The following HK2 variants were observed in gnomAD, a reference collection of about 807,000 sequenced individuals.
HK2 encodes hexokinase-2.
HK2 carries 42 observed loss-of-function variants against 92.9 expected under a neutral mutation model. That is an observed-to-expected ratio of 0.45 (90% confidence interval 0.35 to 0.58). HK2 has a LOEUF of 0.58. Ranked by LOEUF, HK2 falls within the 20% of genes least tolerant of loss-of-function variation. The pLI is 0.00. For missense variants in HK2, 978 were observed against 1,245.1 expected (o/e 0.79, Z 3.23); for synonymous variants, 422 against 468.0 (o/e 0.90, Z 1.27).
chr2:74,852,056 G>A (rs1688583383), intron 1 of HK2, among the ~76,000 whole-genome samples: 1 of 152,214 alleles, frequency 6.6e-6, no homozygotes, highest in African/African-American at 2.4e-5. Context: ...TCCCCTCTCT[G>A]TAGAATAGAG....
intron 4 of HK2, among the ~76,000 whole-genome samples, chr2:74,872,644 A>G (rs746246486): frequency 2.6e-5 from 4 of 152,148 alleles, no homozygotes; most frequent in Non-Finnish European, 5.9e-5. Context: ...ATTGCACAGT[A>G]TCCTTATCCC....
chr2:74,875,327 G>GTTTTTTT (rs61418530), intron 7 of HK2, among the ~76,000 whole-genome samples: 4 of 112,088 alleles, frequency 3.6e-5, no homozygotes, highest in Admixed American at 9.8e-5. Context: ...CCTTGCTTTC[G>GTTTTTTT]TTTTTTTTTT....
chr2:74,890,790 T>C lies in HK2; in HGVS notation c.2610-7T>C, dbSNP rs755244890. ...TTTTTCCTGTGTCTTCCTCCCACCT[T>C]TTCCAGCTTTGCCAAAGTCATGCAT... is the stretch of plus-strand genomic sequence containing the variant. On this transcript the variant is annotated splice_region_variant and splice_polypyrimidine_tract_variant and intron_variant, in intron 17 of 17. Transcript: ENST00000290573. The C allele has an allele frequency of 3.7e-6, 6 of 1,614,082 alleles. No homozygotes were observed. The highest frequency in any genetic ancestry group is 5.1e-6 in the Non-Finnish European group (6 of 1,180,030).
At position 74,882,227 on chromosome 2, in the gene HK2, C is replaced by T. The variant is rs1385341305; in HGVS notation, c.1827C>T (p.Asn609=). The T allele has an allele frequency of 6.2e-7, 1 of 1,614,102 alleles. No homozygotes were observed. The highest frequency in any genetic ancestry group is 8.5e-7 in the Non-Finnish European group (1 of 1,179,958). ...CCTTCTCCTTCCCCTGCCAGCAGAA[C>T]AGCCTGGACGAGGTAACAGCACCTT... ...GFTFSFPCQQ[N]SLDESILLKW... is the part of the protein sequence containing the mutation. Residue 609 remains asparagine (N), a synonymous_variant, in exon 12 of 18, where the codon AAC becomes AAT. Coordinates refer to ENST00000290573, the MANE Select transcript of HK2 (RefSeq NM_000189.5).
chr2:74,890,352 A>T (rs749831796), intron 17 of HK2, among the ~76,000 whole-genome samples: 1 of 152,222 alleles, frequency 6.6e-6, no homozygotes, highest in Non-Finnish European at 1.5e-5. Flanking sequence ...TTTGGAGCAC[A>T]TGTGGCTCTG....
Position 74,886,650 on chromosome 2 carries a change from T to C in HK2, c.2196T>C (p.Leu732=). The C allele has an allele frequency of 6.2e-7, 1 of 1,613,932 alleles. No individual in the cohort carries two copies. The highest frequency in any genetic ancestry group is 8.5e-7 in the Non-Finnish European group (1 of 1,179,976). ...RTEFDVAVDE[L]SLNPGKQRFE... is the part of the protein sequence containing the mutation. Reference sequence around the variant, plus strand: ...AATTTGATGTGGCTGTGGATGAGCTTTCACTCAACCCCGGCAAGCAGAGGT... The same window carrying C: ...AATTTGATGTGGCTGTGGATGAGCTCTCACTCAACCCCGGCAAGCAGAGGT... The change falls in exon 15 of 18, where the codon CTT becomes CTC. Residue 732 remains leucine, a synonymous_variant. Coordinates refer to ENST00000290573, the MANE Select transcript of HK2 (RefSeq NM_000189.5).
At chr2:74,887,189 TC>T (rs1187671545) in intron 15 of HK2, among the ~76,000 whole-genome samples, 1 of 152,184 alleles carries the variant, frequency 6.6e-6, no homozygotes, top group Non-Finnish European at 1.5e-5. Context: ...ACTAGATTAA[TC>T]AAACACCCTA....
intron 2 of HK2, among the ~76,000 whole-genome samples, chr2:74,862,076 T>A (rs1688845390): frequency 6.6e-6 from 1 of 152,238 alleles, no homozygotes; most frequent in Non-Finnish European, 1.5e-5. Flanking sequence ...ATTGTAGACA[T>A]CGTTAGTGCC....
intron 8 of HK2, 67 bp from the exon 9 acceptor site, chr2:74,878,621 C>G (rs1456307414): frequency 5.4e-6 from 7 of 1,288,908 alleles, no homozygotes; most frequent in Admixed American, 2.0e-5. Context: ...TCCTTGCCAC[C>G]CCCCGACACA....
At chr2:74,880,065 C>G (rs1689342766) in intron 9 of HK2, among the ~76,000 whole-genome samples, 200 bp from the exon 10 acceptor site, 1 of 152,190 alleles carries the variant, frequency 6.6e-6, no homozygotes, top group Admixed American at 6.5e-5. Flanking sequence ...GGGGGTGAAC[C>G]AATCCTGGGT....
chr2:74,867,856 C>T lies in HK2; in HGVS notation c.375+72C>T, dbSNP rs1038936486. On this transcript the variant is annotated intron_variant, in intron 3 of 17. Transcript: ENST00000290573. ...TGGCATGTTCTTTCTGTACTTTCTC[C>T]AGCCGCTCCCAGCGTGTGGATAGGC... is the stretch of plus-strand genomic sequence containing the variant. The T allele has an allele frequency of 1.3e-4, 197 of 1,556,430 alleles. 1 individual carries two copies. Among genetic ancestry groups the T allele is most frequent in the Middle Eastern group, 8.3e-4 (5 of 5,994 alleles).
intron 1 of HK2, among the ~76,000 whole-genome samples, chr2:74,852,480 C>T (rs1688594576): frequency 6.6e-6 from 1 of 152,154 alleles, no homozygotes; most frequent in Non-Finnish European, 1.5e-5. Flanking sequence ...TGGGGAGCCT[C>T]AAATGTCCTT....
At chr2:74,857,972 T>G (rs989755716) in intron 2 of HK2, among the ~76,000 whole-genome samples, 19 of 152,176 alleles carry the variant, frequency 1.2e-4, no homozygotes, top group Non-Finnish European at 2.6e-4. Flanking sequence ...GGGGCACCTG[T>G]TCAGTGCCAC....
intron 12 of HK2, among the ~76,000 whole-genome samples, chr2:74,883,299 A>T (rs1353619281): frequency 1.3e-5 from 2 of 152,208 alleles, no homozygotes; most frequent in Non-Finnish European, 2.9e-5. Flanking sequence ...GCTGTTTGGA[A>T]TGTGGCCCTC....
At chr2:74,848,865 GA>G (rs966599726) in intron 1 of HK2, among the ~76,000 whole-genome samples, 2 of 152,198 alleles carry the variant, frequency 1.3e-5, no homozygotes, top group Admixed American at 1.3e-4. Context: ...TTCTGGGCCA[GA>G]AGGGTTGACA....
rs201257606 is a variant in HK2, at chr2:74,873,992, G to A, written c.691+49G>A. The A allele has an allele frequency of 9.6e-5, 136 of 1,412,696 alleles. No individual in the cohort carries two copies. The African/African-American group carries it at 1.7e-3, about 18-fold the overall frequency. The allele number at this position is 1,412,696 out of a possible 1,614,324, so 87.5% of individuals were successfully genotyped here. ...GGCCCGTGCTGGCCAAGGGATGGGG[G>A]TGTGGGCTGGAAAGGGAGAAGGGGC... On this transcript the variant is annotated intron_variant, in intron 6 of 17. Transcript: ENST00000290573.
Position 74,891,084 on chromosome 2 carries a change from C to A in HK2, c.*143C>A. On this transcript the variant is annotated 3_prime_UTR_variant, in exon 18 of 18. Transcript: ENST00000290573. ...CCCACTGGACTGGGTTTTGTCTCTGCATCTCATTGTAGAGCTTGGTGGCTG... is the reference window on the plus strand; with the variant it reads ...CCCACTGGACTGGGTTTTGTCTCTGAATCTCATTGTAGAGCTTGGTGGCTG... 2.2e-6 allele frequency: 2 copies of A among 915,948 alleles called. No homozygotes were observed. Among genetic ancestry groups the A allele is most frequent in the Non-Finnish European group, 3.4e-6 (2 of 591,810 alleles). The allele number at this position is 915,948 out of a possible 1,614,324, so 56.7% of individuals were successfully genotyped here. A position where few individuals can be genotyped will look rare whatever the true frequency, so the allele number is the denominator to read the frequency against.
At chr2:74,860,503 C>T (rs960456234) in intron 2 of HK2, among the ~76,000 whole-genome samples, 5 of 152,106 alleles carry the variant, frequency 3.3e-5, no homozygotes, top group East Asian at 1.9e-4. Flanking sequence ...ACATATAAAT[C>T]GACTCACACA....
intron 2 of HK2, among the ~76,000 whole-genome samples, chr2:74,865,058 C>T (rs959402772): frequency 2.6e-5 from 4 of 151,504 alleles, no homozygotes; most frequent in Non-Finnish European, 4.4e-5. Context: ...GTGGGCGTTA[C>T]GAGAGGGCCC....
Sources: gnomAD v4.1 joint callset for allele counts (sites outside exome capture counted in the v4.1 genomes callset) on GRCh38, gnomAD v4.1.1 for gene constraint, MANE v1.5 for transcripts, NCBI Gene and HGNC (gene_info 2026-07-23, HGNC 2026-07-21) for gene names.